The following TMEM131 variants were observed in gnomAD, a reference collection of about 807,000 sequenced individuals.
TMEM131 encodes the protein transmembrane protein 131.
A neutral mutation model predicts 211.6 loss-of-function variants in TMEM131; 66 were observed. The ratio of observed to expected loss-of-function variants is 0.31; its 90% CI spans 0.26 to 0.38. TMEM131 has a LOEUF of 0.38. TMEM131 is among the 10% of genes least tolerant of loss of function. The pLI is 1.00. For missense variants in TMEM131, 2,036 were observed against 2,299.3 expected, an observed-to-expected ratio of 0.89 and a Z score of 2.34; for synonymous variants, 844 against 841.3, an observed-to-expected ratio of 1.00 and a Z score of -0.06.
intron 11 of TMEM131, among the ~76,000 whole-genome samples, chr2:97,827,759 T>C (rs1246178205): frequency 4.6e-5 from 7 of 152,074 alleles, no homozygotes; most frequent in African/African-American, 1.4e-4. Flanking sequence ...TATTTTTTGG[T>C]ACAACCAGAA....
chr2:97,932,802 A>G (rs1034214039), intron 1 of TMEM131, among the ~76,000 whole-genome samples: 1 of 152,240 alleles, frequency 6.6e-6, no homozygotes, highest in Non-Finnish European at 1.5e-5. Context: ...CTATAGCCCA[A>G]AACAGCAGGC....
chr2:97,977,369 C>T (rs1679588097), intron 1 of TMEM131, among the ~76,000 whole-genome samples: 1 of 152,062 alleles, frequency 6.6e-6, no homozygotes, highest in Non-Finnish European at 1.5e-5. Context: ...GACACTTTAC[C>T]AAATGAGATA....
At chr2:97,796,490 C>T (rs1680771536) in intron 27 of TMEM131, 86 bp from the exon 28 acceptor site, 2 of 844,616 alleles carry the variant, frequency 2.4e-6, no homozygotes, top group Non-Finnish European at 3.6e-6. Flanking sequence ...TCATGAATTA[C>T]TATATGTCAC....
intron 21 of TMEM131, 27 bp downstream of exon 21, chr2:97,805,349 A>G (rs1357620757): frequency 6.2e-7 from 1 of 1,608,890 alleles, no homozygotes; most frequent in East Asian, 2.2e-5. Context: ...AAGTGAAGAC[A>G]TGAGAGAGAA....
At chr2:97,963,386 C>T (rs1007031878) in intron 1 of TMEM131, among the ~76,000 whole-genome samples, 1 of 151,978 alleles carries the variant, frequency 6.6e-6, no homozygotes, top group East Asian at 1.9e-4. Context: ...TTTTTGTTTC[C>T]TTAAGGTCTC....
intron 2 of TMEM131, among the ~76,000 whole-genome samples, chr2:97,916,488 G>A (rs942185480): frequency 1.3e-5 from 2 of 152,148 alleles, no homozygotes; most frequent in Admixed American, 6.5e-5. Flanking sequence ...CTCTGATGAC[G>A]GCTTTCTAGT....
chr2:97,924,407 G>A (rs1573564269), intron 2 of TMEM131, among the ~76,000 whole-genome samples: 1 of 152,294 alleles, frequency 6.6e-6, no homozygotes, highest in African/African-American at 2.4e-5. Flanking sequence ...TCAGTCAGCT[G>A]TGGAGCTCCG....
chr2:97,786,753 T>C (rs748365140), intron 31 of TMEM131, among the ~76,000 whole-genome samples: 1 of 152,174 alleles, frequency 6.6e-6, no homozygotes, highest in Non-Finnish European at 1.5e-5. Context: ...GGAGCTCTCA[T>C]TCAATGTGAA....
At chr2:97,873,837 G>A (rs750495286) in intron 4 of TMEM131, among the ~76,000 whole-genome samples, 5 of 152,106 alleles carry the variant, frequency 3.3e-5, no homozygotes, top group South Asian at 2.1e-4. Flanking sequence ...ACAACTCCTC[G>A]CCAGCAAGGG....
At chr2:97,862,897 C>A (rs1674126023) in intron 4 of TMEM131, among the ~76,000 whole-genome samples, 1 of 151,934 alleles carries the variant, frequency 6.6e-6, no homozygotes, top group African/African-American at 2.4e-5. Context: ...CATAGAACAC[C>A]AAGCAGATTT....
At chr2:97,977,888 C>A (rs1449308288) in intron 1 of TMEM131, among the ~76,000 whole-genome samples, 1 of 152,028 alleles carries the variant, frequency 6.6e-6, no homozygotes, top group African/African-American at 2.4e-5. Flanking sequence ...GAGTTCGAGA[C>A]CAACCTGGCC....
At chr2:97,936,238 T>C (rs1179952852) in intron 1 of TMEM131, among the ~76,000 whole-genome samples, 1 of 152,090 alleles carries the variant, frequency 6.6e-6, no homozygotes, top group Non-Finnish European at 1.5e-5. Context: ...GACCCAAAAG[T>C]TTAAAAGGAA....
intron 4 of TMEM131, among the ~76,000 whole-genome samples, chr2:97,876,224 C>A (rs913915843): frequency 6.6e-6 from 1 of 152,076 alleles, no homozygotes; most frequent in African/African-American, 2.4e-5. Flanking sequence ...AATAGCCTAC[C>A]AACCGAAAAA....
rs191625464 is a variant in TMEM131, at chr2:97,908,027, C to G, written c.290+631G>C. Reference sequence around the variant, plus strand: ...ATCCAACTCAAAGAAAGCTCTCTCTCACCTTTAGGCACCAGAACAGACTTT... The same window carrying G: ...ATCCAACTCAAAGAAAGCTCTCTCTGACCTTTAGGCACCAGAACAGACTTT... On this transcript the variant is annotated intron_variant, in intron 3 of 40. Coordinates refer to ENST00000186436, the MANE Select transcript of TMEM131 (RefSeq NM_015348.2). Among the ~76,000 whole-genome samples, 449 of 152,222 alleles carry G rather than the reference C, an allele frequency of 2.9e-3. 2 individuals carry two copies. Among genetic ancestry groups the G allele is most frequent in the African/African-American group, 0.01 (431 of 41,488 alleles).
chr2:97,993,336 T>A (rs567358449), intron 1 of TMEM131, among the ~76,000 whole-genome samples: 12 of 152,176 alleles, frequency 7.9e-5, no homozygotes, highest in Non-Finnish European at 1.5e-4. Context: ...GCTGAAAAAC[T>A]CAACAGTACC....
chr2:97,861,901 G>A (rs1041220989), intron 4 of TMEM131, among the ~76,000 whole-genome samples: 1 of 152,112 alleles, frequency 6.6e-6, no homozygotes, highest in East Asian at 1.9e-4. Flanking sequence ...GCCAGGGAGT[G>A]GTTACAGTGG....
chr2:97,846,737 T>C (rs1455915959), intron 5 of TMEM131, among the ~76,000 whole-genome samples: 3 of 151,920 alleles, frequency 2.0e-5, no homozygotes, highest in African/African-American at 4.8e-5. Flanking sequence ...ATTCTTCTTC[T>C]TCCAATGTGC....
chr2:97,943,120 A>G (rs966551324), intron 1 of TMEM131, among the ~76,000 whole-genome samples: 2 of 151,594 alleles, frequency 1.3e-5, no homozygotes, highest in Non-Finnish European at 2.9e-5. Context: ...GTGGTGGTGC[A>G]TGCCTGTATT....
chr2:97,925,511 T>C (rs746243760), intron 2 of TMEM131, among the ~76,000 whole-genome samples: 48 of 152,166 alleles, frequency 3.2e-4, no homozygotes, highest in African/African-American at 1.1e-3. Context: ...GCATCAACTA[T>C]AGAAAACATA....
Sources: gnomAD v4.1 joint callset for allele counts (sites outside exome capture counted in the v4.1 genomes callset) on GRCh38, gnomAD v4.1.1 for gene constraint, MANE v1.5 for transcripts, NCBI Gene and HGNC (gene_info 2026-07-23, HGNC 2026-07-21) for gene names.